Variants in IQCM observed in about 807,000 individuals in gnomAD.
The protein encoded by IQCM is IQ motif containing M.
Under a neutral mutation model 57.6 loss-of-function variants are expected in IQCM, and 45 were observed. The observed-to-expected ratio is 0.78, with a 90% CI of 0.62 to 1.00. The LOEUF (loss-of-function observed/expected upper bound fraction) is 1.00. Ranked by LOEUF, IQCM falls within the 50% of genes least tolerant of loss-of-function variation. IQCM has a pLI of 0.00. For missense variants in IQCM, 468 were observed against 511.6 expected (o/e 0.91, Z 0.82); for synonymous variants, 148 against 158.9 (o/e 0.93, Z 0.51).
At chr4:149,737,084 A>G (rs1767008801) in intron 3 of IQCM, among the ~76,000 whole-genome samples, 1 of 152,194 alleles carries the variant, frequency 6.6e-6, no homozygotes, top group Admixed American at 6.5e-5. Flanking sequence ...TACACAAAAA[A>G]GCACATGCTA....
rs1019211972 is a variant in IQCM at position 149,681,605 on chromosome 4, T to C, written c.565+513A>G. Among the ~76,000 whole-genome samples, 4 of 151,114 alleles carry C rather than the reference T, an allele frequency of 2.6e-5. No individual in the cohort carries two copies. In the East Asian group the frequency reaches 7.8e-4, roughly 29 times the overall value. On this transcript the variant is annotated intron_variant, in intron 7 of 13. Transcript: ENST00000636793. ...TTTTAAAAATTTCTTCTGAAATCAATAAAAGTCCTACTTTACAAGAAGAGT... is the reference window on the plus strand; with the variant it reads ...TTTTAAAAATTTCTTCTGAAATCAACAAAAGTCCTACTTTACAAGAAGAGT...
intron 5 of IQCM, among the ~76,000 whole-genome samples, chr4:149,708,873 T>C (rs1056863590): frequency 6.6e-6 from 1 of 152,076 alleles, no homozygotes; most frequent in Non-Finnish European, 1.5e-5. Flanking sequence ...TTTATCTACA[T>C]AAACTTGCCA....
chr4:149,431,381 C>A (rs867418150), intron 13 of IQCM, among the ~76,000 whole-genome samples: 17 of 152,040 alleles, frequency 1.1e-4, no homozygotes, highest in Middle Eastern at 6.8e-3. Context: ...ATAATGATAT[C>A]TCACTGTGGT....
At chr4:149,606,003 T>C (rs950784204) in intron 8 of IQCM, among the ~76,000 whole-genome samples, 5 of 152,194 alleles carry the variant, frequency 3.3e-5, no homozygotes, top group Non-Finnish European at 7.3e-5. Flanking sequence ...CAGAAGGGAA[T>C]CCACAGCTCT....
chr4:149,427,352 A>G (rs1420434481), intron 13 of IQCM, among the ~76,000 whole-genome samples: 1 of 152,032 alleles, frequency 6.6e-6, no homozygotes, highest in Non-Finnish European at 1.5e-5. Flanking sequence ...TTCACCTCAC[A>G]AAGTTAAGCA....
intron 12 of IQCM, among the ~76,000 whole-genome samples, chr4:149,516,040 A>G (rs1266350303): frequency 1.3e-5 from 2 of 152,150 alleles, no homozygotes; most frequent in African/African-American, 4.8e-5. Flanking sequence ...TGGCTGTGGA[A>G]GCAGGGATGG....
chr4:149,560,024 C>A (rs182803336), intron 10 of IQCM, among the ~76,000 whole-genome samples: 2 of 152,304 alleles, frequency 1.3e-5, no homozygotes, highest in Non-Finnish European at 2.9e-5. Flanking sequence ...CTGAAAATAT[C>A]CCTGCCCCTG....
intron 12 of IQCM, among the ~76,000 whole-genome samples, chr4:149,481,704 T>TTTTTTTTTTTTTTTTTG (rs1560895880): frequency 1.5e-5 from 2 of 134,712 alleles, no homozygotes; most frequent in Non-Finnish European, 3.2e-5. Flanking sequence ...CAGTTTTGTT[T>TTTTTTTTTTTTTTTTTG]TTTTTTTTTT....
At chr4:149,765,990 C>A (rs1304886195) in intron 2 of IQCM, among the ~76,000 whole-genome samples, 1 of 152,050 alleles carries the variant, frequency 6.6e-6, no homozygotes, top group Non-Finnish European at 1.5e-5. Context: ...CCCCTGCCCG[C>A]CAAATTATCC....
At chr4:149,411,041 G>A (rs1443512115) in intron 13 of IQCM, among the ~76,000 whole-genome samples, 1 of 152,020 alleles carries the variant, frequency 6.6e-6, no homozygotes, top group Non-Finnish European at 1.5e-5. Context: ...CTTCTTTGTT[G>A]CCATTGATAT....
intron 6 of IQCM, among the ~76,000 whole-genome samples, chr4:149,684,338 A>C (rs760407387): frequency 3.2e-4 from 49 of 151,338 alleles, no homozygotes; most frequent in Non-Finnish European, 2.5e-4. Flanking sequence ...GATCATATTC[A>C]TGTTTTGCTC....
intron 12 of IQCM, among the ~76,000 whole-genome samples, chr4:149,515,063 T>C (rs887312333): frequency 2.6e-5 from 3 of 116,280 alleles, no homozygotes; most frequent in African/African-American, 6.7e-5. Flanking sequence ...AACTCCCATA[T>C]ATATACACGT....
chr4:149,433,831 G>C (rs957709897), intron 12 of IQCM, among the ~76,000 whole-genome samples: 2 of 151,680 alleles, frequency 1.3e-5, no homozygotes, highest in African/African-American at 2.4e-5. Context: ...GATACCCAAC[G>C]AACAGCATTC....
At chr4:149,428,402 T>C (rs762413590) in intron 13 of IQCM, among the ~76,000 whole-genome samples, 5 of 151,608 alleles carry the variant, frequency 3.3e-5, no homozygotes, top group Non-Finnish European at 5.9e-5. Flanking sequence ...TTAAAAGAAA[T>C]GAGAAAATTG....
intron 9 of IQCM, among the ~76,000 whole-genome samples, chr4:149,565,423 C>A: frequency 6.6e-6 from 1 of 152,102 alleles, no homozygotes; most frequent in Non-Finnish European, 1.5e-5. Context: ...TGGTAGATGG[C>A]AGGAAATCCC....
intron 13 of IQCM, among the ~76,000 whole-genome samples, chr4:149,361,756 C>G (rs933718476): frequency 1.4e-4 from 21 of 152,190 alleles, no homozygotes; most frequent in Non-Finnish European, 2.9e-4. Flanking sequence ...TCACGGAGAA[C>G]CTCTGCAAGG....
At chr4:149,800,718 G>T (rs914579017) in intron 2 of IQCM, among the ~76,000 whole-genome samples, 2 of 151,636 alleles carry the variant, frequency 1.3e-5, no homozygotes, top group African/African-American at 4.8e-5. Flanking sequence ...TATGAAAAAT[G>T]GATCAAAAAG....
At chr4:149,740,113 G>C (rs775083873) in intron 3 of IQCM, among the ~76,000 whole-genome samples, 7 of 152,192 alleles carry the variant, frequency 4.6e-5, no homozygotes, top group Non-Finnish European at 1.0e-4. Context: ...GCCATACTCA[G>C]AGGGTTTACA....
intron 8 of IQCM, among the ~76,000 whole-genome samples, chr4:149,592,364 G>T (rs972158794): frequency 6.6e-6 from 1 of 152,040 alleles, no homozygotes; most frequent in African/African-American, 2.4e-5. Flanking sequence ...TTAGCCCTTT[G>T]TCAGATGGGT....
Sources: allele counts gnomAD v4.1 joint callset (sites outside exome capture counted in the v4.1 genomes callset), GRCh38; gene constraint gnomAD v4.1.1; transcripts MANE v1.5; gene names NCBI Gene and HGNC (gene_info 2026-07-23, HGNC 2026-07-21).